The following ST3GAL3 variants were observed in gnomAD, a reference collection of about 807,000 sequenced individuals.
The protein encoded by ST3GAL3 is CMP-N-acetylneuraminate-beta-1,4-galactoside alpha-2,3-sialyltransferase.
In ST3GAL3, 21 loss-of-function variants were observed where a neutral mutation model predicts 50.1. That is an observed-to-expected ratio of 0.42 (90% confidence interval 0.30 to 0.60). The LOEUF (loss-of-function observed/expected upper bound fraction) is 0.60, where lower values mean the gene tolerates loss of function less well. Among genes scored for constraint, ST3GAL3 ranks in the 20% least tolerant of loss-of-function variants. The pLI, the probability that ST3GAL3 is intolerant of heterozygous loss-of-function variation, is 0.19. For missense variants in ST3GAL3, 353 were observed against 489.4 expected, an observed-to-expected ratio of 0.72 and a Z score of 2.63; for synonymous variants, 183 against 190.0, an observed-to-expected ratio of 0.96 and a Z score of 0.30.
intron 2 of ST3GAL3, among the ~76,000 whole-genome samples, chr1:43,777,415 G>T (rs1037619816): frequency 1.3e-5 from 2 of 152,118 alleles, no homozygotes; most frequent in African/African-American, 4.8e-5. Context: ...GCTTGGTACT[G>T]GTACAAAAAC....
chr1:43,907,765 G>T (rs2080064934), intron 9 of ST3GAL3, among the ~76,000 whole-genome samples: 2 of 151,956 alleles, frequency 1.3e-5, no homozygotes, highest in African/African-American at 4.8e-5. Flanking sequence ...TCACCTCTTT[G>T]CCGGGTCCTC....
At chr1:43,808,374 A>G (rs1284392512) in intron 3 of ST3GAL3, among the ~76,000 whole-genome samples, 1 of 151,932 alleles carries the variant, frequency 6.6e-6, no homozygotes, top group Non-Finnish European at 1.5e-5. Context: ...GTTTGGGCGC[A>G]ATGGAAAGAT....
chr1:43,929,894 G>A (rs952756793), intron 11 of ST3GAL3: 7 of 608,488 alleles, frequency 1.2e-5, no homozygotes, highest in South Asian at 6.4e-5. Context: ...TTCCTGGGAC[G>A]AGGAAAGGGG....
chr1:43,771,030 A>G lies in ST3GAL3; in HGVS notation c.119-21072A>G, dbSNP rs144455720. Among the ~76,000 whole-genome samples the G allele has an allele frequency of 3.2e-3, 482 of 152,288 alleles. 5 individuals are homozygous for G. Among genetic ancestry groups the G allele is most frequent in the Middle Eastern group, 0.031 (9 of 294 alleles). On this transcript the variant is annotated intron_variant, in intron 2 of 11. Transcript: ENST00000347631. ...CATTGATTGAGTTTAAGTGCTTTGCATGCCTTACCTTCCTTAATCAGATCT... is the reference window on the plus strand; with the variant it reads ...CATTGATTGAGTTTAAGTGCTTTGCGTGCCTTACCTTCCTTAATCAGATCT...
At chr1:43,925,119 G>A (rs958485993) in intron 11 of ST3GAL3, among the ~76,000 whole-genome samples, 2 of 151,848 alleles carry the variant, frequency 1.3e-5, no homozygotes, top group Non-Finnish European at 2.9e-5. Context: ...GTGAAACCCC[G>A]TCTCTGCTAA....
intron 4 of ST3GAL3, 112 bp downstream of exon 4, chr1:43,815,045 G>A (rs2061062919): frequency 1.2e-5 from 13 of 1,085,838 alleles, no homozygotes; most frequent in Non-Finnish European, 1.9e-5. Flanking sequence ...GGGACTCCCT[G>A]GGGCCTCTGT....
chr1:43,882,979 A>ATTTATTTTTT (rs11270209), intron 5 of ST3GAL3, among the ~76,000 whole-genome samples: 10 of 138,976 alleles, frequency 7.2e-5, no homozygotes, highest in Admixed American at 6.9e-5. Flanking sequence ...TTATTTATTT[A>ATTTATTTTTT]GAGACAGGCT....
intron 4 of ST3GAL3, among the ~76,000 whole-genome samples, chr1:43,829,440 C>G (rs568289204): frequency 6.6e-6 from 1 of 152,168 alleles, no homozygotes; most frequent in Admixed American, 6.5e-5. Flanking sequence ...TCCACTGTTA[C>G]CCCTTCAGCC....
At position 43,816,422 on chromosome 1, in the gene ST3GAL3, A is replaced by G. The variant is rs553866826; in HGVS notation, c.209+1489A>G. On this transcript the variant is annotated intron_variant, in intron 4 of 11. Coordinates refer to ENST00000347631, the MANE Select transcript of ST3GAL3 (RefSeq NM_006279.5). ...AGGCTAGTAGAGAGATGTCAGCCTC[A>G]TGTTAACATCTAGGGAATGGGGTAT... is the stretch of plus-strand genomic sequence containing the variant. 3.3e-5 allele frequency among the ~76,000 whole-genome samples: 5 copies of G among 152,360 alleles called. 1 individual carries two copies. The South Asian group carries it at 8.3e-4, about 25-fold the overall frequency.
chr1:43,863,913 C>T (rs1324682817), intron 5 of ST3GAL3, among the ~76,000 whole-genome samples: 1 of 152,218 alleles, frequency 6.6e-6, no homozygotes, highest in Non-Finnish European at 1.5e-5. Flanking sequence ...TATTCTGCCC[C>T]TCCCTGAACC....
intron 2 of ST3GAL3, among the ~76,000 whole-genome samples, chr1:43,781,425 C>T (rs908426362): frequency 6.6e-6 from 1 of 152,018 alleles, no homozygotes; most frequent in Non-Finnish European, 1.5e-5. Context: ...GCCTGGGCAA[C>T]ATGGTGAAAC....
chr1:43,734,294 C>CTT (rs1677265566), intron 1 of ST3GAL3, among the ~76,000 whole-genome samples: 1 of 122,448 alleles, frequency 8.2e-6, no homozygotes, highest in Non-Finnish European at 1.8e-5. Context: ...CTTTCTTCTT[C>CTT]TTCTTTTTTT....
chr1:43,802,140 C>T (rs12128547), intron 3 of ST3GAL3, among the ~76,000 whole-genome samples: 58,882 of 151,984 alleles, frequency 0.39, 11,807 homozygotes, highest in East Asian at 0.59. Flanking sequence ...GAGCTTGTTT[C>T]GGTGTTCATA....
intron 3 of ST3GAL3, among the ~76,000 whole-genome samples, chr1:43,800,585 A>G (rs934453311): frequency 3.9e-5 from 6 of 152,206 alleles, no homozygotes; most frequent in African/African-American, 1.4e-4. Flanking sequence ...AAAGGAAAGA[A>G]TCAGCCCTGG....
At position 43,801,736 on chromosome 1, in the gene ST3GAL3, T is replaced by C. The variant is rs904142448; in HGVS notation, c.166+9587T>C. On this transcript the variant is annotated intron_variant, in intron 3 of 11. Transcript: ENST00000347631. ...TGGGAGGCCAAAGCAGGAGGATCAG[T>C]TGAGCCCAGGAGTTTGAGACCAGTC... is the stretch of plus-strand genomic sequence containing the variant. The C allele has an allele frequency of 1.2e-3, 203 of 171,854 alleles. 2 individuals are homozygous for C. Among genetic ancestry groups the C allele is most frequent in the African/African-American group, 4.5e-3 (191 of 42,250 alleles). 10.6% of individuals were successfully genotyped at this position (171,854 alleles called of 1,614,324 possible).
intron 9 of ST3GAL3, among the ~76,000 whole-genome samples, chr1:43,910,422 T>C (rs1453834059): frequency 6.6e-6 from 1 of 152,210 alleles, no homozygotes; most frequent in Non-Finnish European, 1.5e-5. Context: ...ATCTATAAAA[T>C]GGAAATCATG....
intron 5 of ST3GAL3, among the ~76,000 whole-genome samples, chr1:43,845,964 T>C (rs1172016529): frequency 6.6e-6 from 1 of 152,226 alleles, no homozygotes; most frequent in Non-Finnish European, 1.5e-5. Context: ...CTTTGTGTTA[T>C]AGATTTCTGA....
At chr1:43,879,331 A>G (rs1570523123) in intron 5 of ST3GAL3, 1 of 456,048 alleles carries the variant, frequency 2.2e-6, no homozygotes, top group South Asian at 1.5e-5. Context: ...TTTTTTGGAG[A>G]CAGTGAGAAG....
At chr1:43,824,490 G>A (rs750401324) in intron 4 of ST3GAL3, among the ~76,000 whole-genome samples, 1 of 152,180 alleles carries the variant, frequency 6.6e-6, no homozygotes, top group Non-Finnish European at 1.5e-5. Flanking sequence ...TTAACCTTGA[G>A]AGGACAAGAA....
Sources: allele counts gnomAD v4.1 joint callset (sites outside exome capture counted in the v4.1 genomes callset), GRCh38; gene constraint gnomAD v4.1.1; transcripts MANE v1.5; gene names NCBI Gene and HGNC (gene_info 2026-07-23, HGNC 2026-07-21).